SHISA9: variants seen among roughly 807,000 people sequenced by gnomAD.
SHISA9 encodes shisa family member 9.
Under a neutral mutation model 38.0 loss-of-function variants are expected in SHISA9, and 13 were observed. The observed-to-expected ratio is 0.34, with a 90% confidence interval of 0.22 to 0.54. SHISA9 has a LOEUF of 0.54. Among genes scored for constraint, SHISA9 ranks in the 20% least tolerant of loss-of-function variants. The probability of loss-of-function intolerance (pLI) is 0.91; values close to 1 mark genes in which losing one functional copy is unlikely to be tolerated. For synonymous variants in SHISA9, 275 were observed against 242.0 expected, an observed-to-expected ratio of 1.14 and a Z score of -1.27; for missense variants, 538 against 575.8, an observed-to-expected ratio of 0.93 and a Z score of 0.67.
chr16:13,329,236 TG>T, the SHISA9 span, among the ~76,000 whole-genome samples: 1 of 152,206 alleles, frequency 6.6e-6, no homozygotes, highest in African/African-American at 2.4e-5. Flanking sequence ...TGCTGCAGGC[TG>T]GTTTTTCCTT....
intron 2 of SHISA9, among the ~76,000 whole-genome samples, chr16:13,134,329 C>G (rs1003481061): frequency 3.3e-5 from 5 of 152,180 alleles, no homozygotes; most frequent in African/African-American, 1.2e-4. Context: ...ACTAACATCT[C>G]AGTATATGCT....
At chr16:13,070,199 T>G (rs900231150) in intron 2 of SHISA9, among the ~76,000 whole-genome samples, 22 of 151,508 alleles carry the variant, frequency 1.5e-4, no homozygotes, top group Non-Finnish European at 3.1e-4. Context: ...ATGGAATTCC[T>G]CCTCTTCTCC....
intron 2 of SHISA9, among the ~76,000 whole-genome samples, chr16:13,007,240 C>T (rs1431891136): frequency 1.3e-5 from 2 of 152,146 alleles, no homozygotes; most frequent in African/African-American, 4.8e-5. Context: ...CACTCTGGAC[C>T]ATCCCTTTCT....
At chr16:13,257,806 G>A in the SHISA9 span, among the ~76,000 whole-genome samples, 6 of 152,278 alleles carry the variant, frequency 3.9e-5, no homozygotes, top group East Asian at 1.2e-3. Flanking sequence ...CTTAGAAGCT[G>A]ATGAAATCTG....
intron 4 of SHISA9, among the ~76,000 whole-genome samples, chr16:13,217,400 C>A (rs78075544): frequency 0.019 from 2,933 of 152,288 alleles, 47 homozygotes; most frequent in Non-Finnish European, 0.03. Context: ...GTTTATTTTG[C>A]AAACAGAAAC....
chr16:13,490,282 G>A, the SHISA9 span, among the ~76,000 whole-genome samples: 1 of 152,182 alleles, frequency 6.6e-6, no homozygotes, highest in African/African-American at 2.4e-5. Context: ...GGAAATGAGG[G>A]CCGGGCACAG....
intron 2 of SHISA9, among the ~76,000 whole-genome samples, chr16:13,013,166 A>T (rs2072699593): frequency 6.6e-6 from 1 of 152,042 alleles, no homozygotes; most frequent in Non-Finnish European, 1.5e-5. Flanking sequence ...AGCATCAGGA[A>T]CCCTGGGGCT....
At chr16:13,532,743 C>G in the SHISA9 span, among the ~76,000 whole-genome samples, 1 of 152,204 alleles carries the variant, frequency 6.6e-6, no homozygotes, top group African/African-American at 2.4e-5. Flanking sequence ...AAGGCCATGC[C>G]AAACCTTCAC....
At position 13,019,520 on chromosome 16, in the gene SHISA9, C is replaced by G. The variant is rs532587350; in HGVS notation, c.691+102705C>G. Among the ~76,000 whole-genome samples, 5 of 151,864 alleles carry G rather than the reference C, an allele frequency of 3.3e-5. 1 individual carries two copies. The South Asian group carries it at 1.0e-3, about 32-fold the overall frequency. On this transcript the variant is annotated intron_variant, in intron 2 of 4. Coordinates refer to ENST00000558583, the MANE Select transcript of SHISA9 (RefSeq NM_001145204.3). The stretch of plus-strand genomic sequence containing the variant: ...GGTTAACTATACATAATCACAAAGT[C>G]TCTGATTTTAGCTATTTTTAGGTGT...
the SHISA9 span, among the ~76,000 whole-genome samples, chr16:13,525,079 G>A: frequency 6.6e-6 from 1 of 152,170 alleles, no homozygotes; most frequent in Non-Finnish European, 1.5e-5. Context: ...ACCAGGGGTT[G>A]ATAAAACAGA....
the SHISA9 span, among the ~76,000 whole-genome samples, chr16:13,303,036 G>A: frequency 6.6e-6 from 1 of 152,102 alleles, no homozygotes; most frequent in Non-Finnish European, 1.5e-5. Flanking sequence ...CCCAGTCTCG[G>A]GTATTCCTTT....
At chr16:13,367,127 C>G in the SHISA9 span, among the ~76,000 whole-genome samples, 1 of 151,544 alleles carries the variant, frequency 6.6e-6, no homozygotes, top group Non-Finnish European at 1.5e-5. Flanking sequence ...ATTAGCAAAA[C>G]TTAAACTCAG....
At chr16:13,355,375 A>G in the SHISA9 span, among the ~76,000 whole-genome samples, 121,799 of 150,922 alleles carry the variant, frequency 0.81, 49,297 homozygotes, top group East Asian at 0.96. Flanking sequence ...ATGATTGGTC[A>G]CCAAGGAGGG....
At chr16:13,093,755 G>C (rs556022538) in intron 2 of SHISA9, among the ~76,000 whole-genome samples, 1 of 152,224 alleles carries the variant, frequency 6.6e-6, no homozygotes, top group East Asian at 1.9e-4. Context: ...CTTTGCATCC[G>C]TTTGTGTCTT....
the SHISA9 span, among the ~76,000 whole-genome samples, chr16:13,321,255 G>T: frequency 6.6e-6 from 1 of 152,166 alleles, no homozygotes; most frequent in East Asian, 1.9e-4. Context: ...TATCTGTGAG[G>T]TCAGAGATCA....
chr16:13,373,730 C>T, the SHISA9 span, among the ~76,000 whole-genome samples: 1 of 147,416 alleles, frequency 6.8e-6, no homozygotes, highest in Non-Finnish European at 1.5e-5. Context: ...CACTGCACTC[C>T]AGCCTGGGAG....
intron 2 of SHISA9, among the ~76,000 whole-genome samples, chr16:13,117,177 T>C (rs975066938): frequency 3.9e-5 from 6 of 152,168 alleles, no homozygotes; most frequent in African/African-American, 7.2e-5. Context: ...GGTTTCACCA[T>C]GTTGGCCAGG....
At chr16:12,989,693 CATTA>C (rs2072359585) in intron 2 of SHISA9, among the ~76,000 whole-genome samples, 1 of 152,020 alleles carries the variant, frequency 6.6e-6, no homozygotes, top group African/African-American at 2.4e-5. Flanking sequence ...GTTTCCGTGT[CATTA>C]ATTACTCATT....
the SHISA9 span, among the ~76,000 whole-genome samples, chr16:13,463,021 T>C: frequency 3.3e-5 from 5 of 152,040 alleles, no homozygotes; most frequent in African/African-American, 1.2e-4. Context: ...CTGGGTGTGG[T>C]GGCACATGCC....
Sources: gnomAD v4.1 joint callset for allele counts (sites outside exome capture counted in the v4.1 genomes callset) on GRCh38, gnomAD v4.1.1 for gene constraint, MANE v1.5 for transcripts, NCBI Gene and HGNC (gene_info 2026-07-23, HGNC 2026-07-21) for gene names.